Variants in BPIFB3 observed in about 807,000 individuals in gnomAD.
BPIFB3 encodes BPI fold-containing family B member 3.
Under a neutral mutation model 53.1 loss-of-function variants are expected in BPIFB3, and 49 were observed. The ratio of observed to expected loss-of-function variants is 0.92; its 90% CI spans 0.73 to 1.17. The LOEUF is 1.17. Ranked by LOEUF, BPIFB3 falls within the 50% of genes most tolerant of loss-of-function variation. The pLI, the probability that BPIFB3 is intolerant of heterozygous loss-of-function variation, is 0.00. For missense variants in BPIFB3, 628 were observed against 592.5 expected, an observed-to-expected ratio of 1.06 and a Z score of -0.62; for synonymous variants, 271 against 269.6, an observed-to-expected ratio of 1.01 and a Z score of -0.05.
At chr20:33,055,325 AG>A (rs1980143137), upstream of BPIFB3, 10 of 1,544,150 alleles carry the variant, frequency 6.5e-6, no homozygotes, top group Non-Finnish European at 6.1e-6. Flanking sequence ...GGGCTGTGCC[AG>A]GTGGGCAGGA....
intron 2 of BPIFB3, among the ~76,000 whole-genome samples, chr20:33,059,073 A>T (rs540502174): frequency 5.2e-4 from 79 of 152,176 alleles, no homozygotes; most frequent in Non-Finnish European, 8.5e-4. Flanking sequence ...AGTGAGGAAA[A>T]ACTTTAATTC....
chr20:33,067,559 A>G (rs1247101949), intron 9 of BPIFB3, among the ~76,000 whole-genome samples: 3 of 152,214 alleles, frequency 2.0e-5, no homozygotes, highest in Non-Finnish European at 2.9e-5. Flanking sequence ...AGCAGTCTGG[A>G]TGAATGAGGT....
chr20:33,054,062 A>G (rs1980094814), upstream of BPIFB3, among the ~76,000 whole-genome samples: 1 of 152,048 alleles, frequency 6.6e-6, no homozygotes, highest in East Asian at 1.9e-4. Flanking sequence ...CACGGAAAGA[A>G]CTCACCCTAG....
At chr20:33,070,921 G>A (rs943008647) in intron 11 of BPIFB3, among the ~76,000 whole-genome samples, 1 of 152,170 alleles carries the variant, frequency 6.6e-6, no homozygotes, top group Non-Finnish European at 1.5e-5. Flanking sequence ...AGCACCTGCT[G>A]TATGCAAGGC....
chr20:33,068,868 G>A (rs369843384), exon 10 of BPIFB3: 25 of 1,613,884 alleles, frequency 1.5e-5, no homozygotes, highest in Non-Finnish European at 1.9e-5. Context: ...AAGCTCCCAC[G>A]GTCACACTCC....
intron 10 of BPIFB3, 93 bp from the exon 12 acceptor site, chr20:33,069,795 G>A (rs77152233): frequency 0.035 from 44,067 of 1,246,400 alleles, 979 homozygotes; most frequent in South Asian, 0.061. Context: ...GCCTCAGTAA[G>A]GGTTAGTGGA....
chr20:33,073,010 CATCA>C (rs1980970989), intron 14 of BPIFB3, among the ~76,000 whole-genome samples: 1 of 152,234 alleles, frequency 6.6e-6, no homozygotes, highest in African/African-American at 2.4e-5. Flanking sequence ...TGGCAGACAT[CATCA>C]ATCAATCACG....
Position 33,069,921 on chromosome 20 carries a change from G to A in BPIFB3, c.1183G>A (p.Ala395Thr), listed in dbSNP as rs375472654. The A allele has an allele frequency of 9.7e-5, 156 of 1,614,050 alleles. No homozygotes were observed. Among genetic ancestry groups the A allele is most frequent in the Non-Finnish European group, 1.3e-4 (149 of 1,180,042 alleles). ...TGTGCGTGCCCAGCTGGCTCCCTCG[G>A]CTACCAAGCTGCACATCTCCCTGTC... The change falls in exon 11 of 15, where the codon GCT (alanine) becomes ACT (threonine). Residue 395 changes from alanine to threonine, a missense_variant. By Grantham distance (58) the Ala-to-Thr change is moderately conservative. Transcript: ENST00000375494.
chr20:33,057,855 A>AAG (rs1488165671), intron 2 of BPIFB3, among the ~76,000 whole-genome samples: 1 of 152,100 alleles, frequency 6.6e-6, no homozygotes, highest in Non-Finnish European at 1.5e-5. Flanking sequence ...TGAATGAATG[A>AAG]AGAGCATCAC....
rs750468007 is a variant in BPIFB3, at chr20:33,061,795, C to T, written c.555C>T (p.Val185=). The change falls in exon 5 of 15, where the codon GTC becomes GTT. Residue 185 remains valine, a synonymous_variant. Transcript: ENST00000375494. ...TGCTGCCCACACCACTCTTTGGGGT[C>T]GTGGAACAGATGCTCTTCAAGGTGC... The T allele has an allele frequency of 1.1e-5, 17 of 1,614,080 alleles. No homozygotes were observed. In the Middle Eastern group the frequency reaches 6.6e-4, roughly 62 times the overall value.
intron 2 of BPIFB3, among the ~76,000 whole-genome samples, chr20:33,059,088 A>G (rs1980332401): frequency 1.3e-5 from 2 of 152,110 alleles, no homozygotes; most frequent in African/African-American, 4.8e-5. Context: ...TAATTCCTTG[A>G]GCCTCTAGCG....
At chr20:33,069,804 G>A in intron 10 of BPIFB3, 84 bp from the exon 12 acceptor site, 1 of 1,382,870 alleles carries the variant, frequency 7.2e-7, no homozygotes, top group Admixed American at 1.7e-5. Context: ...AGGGTTAGTG[G>A]ACGGAACAGA....
chr20:33,059,625 C>T (rs551158238), intron 3 of BPIFB3, 143 bp downstream of exon 4: 2 of 733,398 alleles, frequency 2.7e-6, no homozygotes, highest in East Asian at 5.4e-5. Flanking sequence ...CAAGGGACTC[C>T]CAATCCTACT....
chr20:33,066,950 T>C (rs1980696015), intron 9 of BPIFB3, 73 bp downstream of exon 10: 1 of 1,495,124 alleles, frequency 6.7e-7, no homozygotes, highest in Admixed American at 1.7e-5. Context: ...CCAGAATCTT[T>C]CTCAATACAG....
intron 2 of BPIFB3, among the ~76,000 whole-genome samples, chr20:33,057,427 G>A (rs1031542138): frequency 1.0e-4 from 8 of 77,616 alleles, no homozygotes; most frequent in Non-Finnish European, 2.0e-4. Context: ...GATCTCAGGA[G>A]ATCTGCCTGC....
intron 6 of BPIFB3, 54 bp downstream of exon 7, chr20:33,063,729 A>AC: frequency 6.4e-7 from 1 of 1,571,396 alleles, no homozygotes; most frequent in Non-Finnish European, 8.7e-7. Flanking sequence ...TCTCTGTATG[A>AC]CCCCAATGGG....
chr20:33,064,360 C>G, intron 6 of BPIFB3, 97 bp from the exon 8 acceptor site: 1 of 977,868 alleles, frequency 1.0e-6, no homozygotes. Context: ...TAGTAGAGTG[C>G]TAGGCATTCA....
At chr20:33,071,142 G>C in intron 11 of BPIFB3, 111 bp from the exon 13 acceptor site, 10 of 1,149,048 alleles carry the variant, frequency 8.7e-6, no homozygotes, top group Non-Finnish European at 1.2e-5. Flanking sequence ...GCAGAGTGTT[G>C]GGCTGGTAAT....
At chr20:33,063,765 C>T (rs1045559519) in intron 6 of BPIFB3, 90 bp downstream of exon 7, 208 of 1,365,094 alleles carry the variant, frequency 1.5e-4, no homozygotes, top group Admixed American at 3.3e-4. Context: ...GAGCCAGAAG[C>T]GGCAGGATCT....
Sources: allele counts gnomAD v4.1 joint callset (sites outside exome capture counted in the v4.1 genomes callset), GRCh38; gene constraint gnomAD v4.1.1; transcripts MANE v1.5; gene names NCBI Gene and HGNC (gene_info 2026-07-23, HGNC 2026-07-21).